The following HSPB8 variants were observed in gnomAD, a reference collection of about 807,000 sequenced individuals.
The protein encoded by HSPB8 is heat shock protein beta-8.
A neutral mutation model predicts 16.5 loss-of-function variants in HSPB8; 9 were observed. The ratio of observed to expected loss-of-function variants is 0.55; its 90% CI spans 0.33 to 0.95. HSPB8 has a LOEUF of 0.95. HSPB8 is among the 40% of genes least tolerant of loss of function. HSPB8 has a pLI of 0.03. For synonymous variants in HSPB8, 99 were observed against 94.8 expected, an observed-to-expected ratio of 1.04 and a Z score of -0.26; for missense variants, 238 against 251.2, an observed-to-expected ratio of 0.95 and a Z score of 0.35.
At chr12:119,189,680 A>G (rs2136084715) in intron 2 of HSPB8, among the ~76,000 whole-genome samples, 1 of 152,314 alleles carries the variant, frequency 6.6e-6, no homozygotes, top group South Asian at 2.1e-4. Flanking sequence ...GAGCTCAGGC[A>G]GTAATGCTGG....
intron 2 of HSPB8, among the ~76,000 whole-genome samples, chr12:119,189,915 T>C (rs965853646): frequency 6.6e-6 from 1 of 152,192 alleles, no homozygotes; most frequent in African/African-American, 2.4e-5. Context: ...CACTATGACA[T>C]GCACCCATCC....
intron 1 of HSPB8, among the ~76,000 whole-genome samples, chr12:119,184,300 T>A (rs937001465): frequency 6.6e-6 from 1 of 152,236 alleles, no homozygotes; most frequent in Admixed American, 6.5e-5. Context: ...AAGGAGTTGA[T>A]ACAGATAAGG....
intron 2 of HSPB8, among the ~76,000 whole-genome samples, chr12:119,190,174 G>A (rs901945378): frequency 6.6e-6 from 1 of 152,248 alleles, no homozygotes; most frequent in East Asian, 1.9e-4. Flanking sequence ...TTATGAAAAG[G>A]CTTCACAAGG....
intron 2 of HSPB8, among the ~76,000 whole-genome samples, chr12:119,187,725 G>A (rs1954685821): frequency 6.6e-6 from 1 of 152,086 alleles, no homozygotes; most frequent in Admixed American, 6.5e-5. Flanking sequence ...CAATCACACA[G>A]CCCCTACCCA....
intron 1 of HSPB8, among the ~76,000 whole-genome samples, chr12:119,183,445 C>G (rs1003699366): frequency 1.3e-5 from 2 of 152,162 alleles, no homozygotes; most frequent in African/African-American, 2.4e-5. Flanking sequence ...ACTCTGCCTT[C>G]CCTGGAAACA....
chr12:119,181,970 G>A (rs75265571), intron 1 of HSPB8: 5 of 152,230 alleles, frequency 3.3e-5, no homozygotes, highest in Admixed American at 6.5e-5. Flanking sequence ...TTTAATTAGG[G>A]TCTTAGATGC....
intron 2 of HSPB8, among the ~76,000 whole-genome samples, chr12:119,188,662 A>G (rs1227520224): frequency 6.6e-6 from 1 of 152,146 alleles, no homozygotes; most frequent in Non-Finnish European, 1.5e-5. Context: ...CACAGGTGAA[A>G]GGACATACCC....
Position 119,193,906 on chromosome 12 carries a change from C to A in HSPB8, c.*48C>A. On this transcript the variant is annotated 3_prime_UTR_variant, in exon 3 of 3. Coordinates refer to ENST00000281938, the MANE Select transcript of HSPB8 (RefSeq NM_014365.3). Reference sequence around the variant, plus strand: ...TGTTTTGTCCCCAACCCTAGGGCTTCTCTGATTCCAGGATACATTACTTTA... The same window carrying A: ...TGTTTTGTCCCCAACCCTAGGGCTTATCTGATTCCAGGATACATTACTTTA... 1 of 1,592,114 alleles carries A rather than the reference C, an allele frequency of 6.3e-7. No homozygotes were observed. The highest frequency in any genetic ancestry group is 1.1e-5 in the South Asian group (1 of 90,632).
At chr12:119,180,844 G>C (rs551926480) in intron 1 of HSPB8, among the ~76,000 whole-genome samples, 10 of 152,168 alleles carry the variant, frequency 6.6e-5, no homozygotes, top group African/African-American at 1.9e-4. Context: ...CAGCATTCAG[G>C]GGGAGTTTCA....
Position 119,189,799 on chromosome 12 carries a change from G to A in HSPB8, c.431+2711G>A, listed in dbSNP as rs548466972. Among the ~76,000 whole-genome samples, 5 of 152,186 alleles carry A rather than the reference G, an allele frequency of 3.3e-5. No homozygotes were observed. In the South Asian group the frequency reaches 1.0e-3, roughly 32 times the overall value. On this transcript the variant is annotated intron_variant, in intron 2 of 2. Transcript: ENST00000281938. ...GACCCCTGAATATTGGCTAGCTATT[G>A]CCCTGAGCCCTCCCTAGCCAACCCC...
intron 2 of HSPB8, among the ~76,000 whole-genome samples, 158 bp from the exon 3 acceptor site, chr12:119,193,541 A>G (rs1954724951): frequency 6.6e-6 from 1 of 152,242 alleles, no homozygotes; most frequent in Non-Finnish European, 1.5e-5. Context: ...TCTTCCCAAG[A>G]CCACACAGCT....
Position 119,193,802 on chromosome 12 carries a change from G to C in HSPB8, c.535G>C (p.Glu179Gln), listed in dbSNP as rs74740454. Reference protein sequence around the residue: ...PQVPPYSTFGESSFNNELPQD... With the variant: ...PQVPPYSTFGQSSFNNELPQD... ...GGTCCCTCCTTACTCAACATTTGGA[G>C]AGAGCAGTTTCAACAACGAGCTTCC... The change falls in exon 3 of 3, where the codon GAG becomes CAG. Residue 179 changes from glutamate to glutamine, a missense_variant. Physicochemically the swap from Glu to Gln is conservative, Grantham distance 29. Transcript: ENST00000281938. The C allele has an allele frequency of 8.9e-4, 1,441 of 1,614,190 alleles. 18 individuals carry two copies. The African/African-American group carries it at 0.017, about 19-fold the overall frequency.
At chr12:119,181,739 G>A (rs1000856244) in intron 1 of HSPB8, among the ~76,000 whole-genome samples, 5 of 152,174 alleles carry the variant, frequency 3.3e-5, no homozygotes, top group African/African-American at 9.7e-5. Context: ...CACTAGCATG[G>A]CGGATGTGGA....
chr12:119,193,020 G>T (rs1250606563), intron 2 of HSPB8, among the ~76,000 whole-genome samples: 4 of 152,156 alleles, frequency 2.6e-5, no homozygotes, highest in Admixed American at 6.5e-5. Flanking sequence ...GGAATTATGG[G>T]AGCTACAATT....
intron 1 of HSPB8, chr12:119,186,664 A>T: frequency 3.3e-6 from 1 of 307,466 alleles, no homozygotes; most frequent in Admixed American, 4.4e-5. Context: ...TTCTACTGGC[A>T]GGTTAGAGAA....
chr12:119,179,192 A>G lies in HSPB8; in HGVS notation c.-121A>G. 1 of 1,044,814 alleles carries G rather than the reference A, an allele frequency of 9.6e-7. No homozygotes were observed. The highest frequency in any genetic ancestry group is 2.8e-4 in the Middle Eastern group (1 of 3,516). 64.7% of individuals were successfully genotyped at this position (1,044,814 alleles called of 1,614,324 possible). A position where few individuals can be genotyped will look rare whatever the true frequency, so the allele number is the denominator to read the frequency against. ...GGTTGGTTCTGCTTCTCCCTGCAGAAAAGCAGCATTTTCGGAAGCTGAAGA... is the reference window on the plus strand; with the variant it reads ...GGTTGGTTCTGCTTCTCCCTGCAGAGAAGCAGCATTTTCGGAAGCTGAAGA... On this transcript the variant is annotated 5_prime_UTR_variant, in exon 1 of 3. Coordinates refer to ENST00000281938, the MANE Select transcript of HSPB8 (RefSeq NM_014365.3).
intron 1 of HSPB8, 118 bp downstream of exon 1, chr12:119,179,797 C>T (rs977842584): frequency 1.5e-5 from 20 of 1,318,188 alleles, no homozygotes; most frequent in East Asian, 2.4e-5. Context: ...CACAGGTGAC[C>T]TCAGGGCTCA....
At chr12:119,187,915 A>C (rs957022468) in intron 2 of HSPB8, among the ~76,000 whole-genome samples, 2 of 152,190 alleles carry the variant, frequency 1.3e-5, no homozygotes, top group African/African-American at 2.4e-5. Context: ...AGAACACTGC[A>C]TACTACCCAG....
At chr12:119,190,354 T>A (rs991364578) in intron 2 of HSPB8, among the ~76,000 whole-genome samples, 3 of 152,212 alleles carry the variant, frequency 2.0e-5, no homozygotes, top group African/African-American at 7.2e-5. Flanking sequence ...GGGAGATTCC[T>A]TCAGCCAGGC....
Sources: gnomAD v4.1 joint callset for allele counts (sites outside exome capture counted in the v4.1 genomes callset) on GRCh38, gnomAD v4.1.1 for gene constraint, MANE v1.5 for transcripts, NCBI Gene and HGNC (gene_info 2026-07-23, HGNC 2026-07-21) for gene names.